Variants in MEGF8 observed in about 807,000 individuals in gnomAD.
MEGF8 encodes the protein multiple EGF like domains 8, also known as multiple epidermal growth factor-like domains protein 8.
MEGF8 carries 156 observed loss-of-function variants against 302.9 expected under a neutral mutation model. That is an observed-to-expected ratio of 0.52 (90% confidence interval 0.45 to 0.59). The LOEUF is 0.59. Among genes scored for constraint, MEGF8 ranks in the 20% least tolerant of loss-of-function variants. The pLI, the probability that MEGF8 is intolerant of heterozygous loss-of-function variation, is 0.00. For missense variants in MEGF8, 3,345 were observed against 3,964.5 expected (o/e 0.84, Z 4.20); for synonymous variants, 1,621 against 1,660.5 (o/e 0.98, Z 0.58).
At chr19:42,330,179 A>G (rs964334155) in intron 1 of MEGF8, among the ~76,000 whole-genome samples, 2 of 152,080 alleles carry the variant, frequency 1.3e-5, no homozygotes, top group African/African-American at 4.8e-5. Context: ...CTGGCCTCAA[A>G]TGATCTGCCC....
intron 5 of MEGF8, 103 bp downstream of exon 5, chr19:42,335,488 G>A (rs1443765384): frequency 1.9e-6 from 2 of 1,049,478 alleles, no homozygotes; most frequent in East Asian, 4.8e-5. Flanking sequence ...CACAGTTCCT[G>A]CAGCTTGATA....
intron 8 of MEGF8, among the ~76,000 whole-genome samples, chr19:42,341,633 T>G (rs1473713356): frequency 1.3e-5 from 2 of 152,030 alleles, no homozygotes; most frequent in Non-Finnish European, 2.9e-5. Flanking sequence ...TTTTTAGAGA[T>G]AGGGTCTTGC....
chr19:42,372,612 C>T (rs1261887631), intron 41 of MEGF8, among the ~76,000 whole-genome samples: 2 of 152,120 alleles, frequency 1.3e-5, no homozygotes, highest in East Asian at 3.9e-4. Context: ...CCTTACTGAC[C>T]CTTAACATTT....
Position 42,354,133 on chromosome 19 carries a change from T to C in MEGF8, c.4011+109T>C, listed in dbSNP as rs1293037026. 1.3e-5 allele frequency: 17 copies of C among 1,317,294 alleles called. No homozygotes were observed. The highest frequency in any genetic ancestry group is 1.7e-5 in the Non-Finnish European group (17 of 991,682). 81.6% of individuals were successfully genotyped at this position (1,317,294 alleles called of 1,614,324 possible). ...TAGTATTGCTGTTTTTTTTTTTTTG[T>C]TTTTTTAATCCTTCAAAACCCAAAC... On this transcript the variant is annotated intron_variant, in intron 22 of 41. Coordinates refer to ENST00000251268, the MANE Select transcript of MEGF8 (RefSeq NM_001271938.2). This position sits in a 1 kb window ranked among gnomAD's most constrained non-coding sequence, Gnocchi z 4.3.
At position 42,353,676 on chromosome 19, in the gene MEGF8, G is replaced by C; in HGVS notation, c.3761+1G>C. 1 of 1,576,864 alleles carries C rather than the reference G, an allele frequency of 6.3e-7. No individual in the cohort carries two copies. Among genetic ancestry groups the C allele is most frequent in the Non-Finnish European group, 8.6e-7 (1 of 1,156,964 alleles). Reference sequence around the variant, plus strand: ...CCCCAGGCTATTATGGGGATCCCCGGTGAGCCAACGGGCCAGCCAGGGCTG... The same window carrying C: ...CCCCAGGCTATTATGGGGATCCCCGCTGAGCCAACGGGCCAGCCAGGGCTG... On this transcript the variant is annotated splice_donor_variant, in intron 21 of 41. Transcript: ENST00000251268. LOFTEE classifies it high-confidence loss of function. The surrounding 1 kb of genome is among the most constrained non-coding windows in gnomAD (Gnocchi z 6.1).
intron 1 of MEGF8, among the ~76,000 whole-genome samples, chr19:42,326,731 T>C (rs994838624): frequency 6.9e-6 from 1 of 145,588 alleles, no homozygotes; most frequent in Non-Finnish European, 1.5e-5. Context: ...TTGGTTCTAC[T>C]ACTACTACTT....
chr19:42,361,831 C>T (rs571771749), intron 32 of MEGF8, among the ~76,000 whole-genome samples: 1 of 152,162 alleles, frequency 6.6e-6, no homozygotes, highest in Admixed American at 6.5e-5. Flanking sequence ...AGGGGACGGT[C>T]AGGGAGAAAT....
intron 35 of MEGF8, among the ~76,000 whole-genome samples, chr19:42,365,500 T>G (rs926628715): frequency 1.3e-5 from 2 of 151,184 alleles, no homozygotes; most frequent in African/African-American, 4.9e-5. Flanking sequence ...GTGGGGTGGC[T>G]CAGGCCTGTA....
chr19:42,359,466 A>G (rs1334675194), intron 31 of MEGF8, among the ~76,000 whole-genome samples: 1 of 151,668 alleles, frequency 6.6e-6, no homozygotes, highest in Non-Finnish European at 1.5e-5. Flanking sequence ...TTCACTATAT[A>G]TAATTTGTAA....
At position 42,353,862 on chromosome 19, in the gene MEGF8, G is replaced by C; in HGVS notation, c.3849G>C (p.Gly1283=). Residue 1283 remains glycine, a synonymous_variant, in exon 22 of 42, where the codon GGG becomes GGC. Transcript: ENST00000251268. This position sits in a 1 kb window ranked among gnomAD's most constrained non-coding sequence, Gnocchi z 6.1. ...TGGCACTGGGCTCACGCCGGGTCGG[G>C]GGGCTGCTGCCTCCAGGTGGCGGGG... The part of the protein sequence containing the change: ...SSVALGSRRV[G]GLLPPGGGAA... 2 of 1,603,398 alleles carry C rather than the reference G, an allele frequency of 1.2e-6. No homozygotes were observed. The highest frequency in any genetic ancestry group is 1.7e-6 in the Non-Finnish European group (2 of 1,175,278).
In MEGF8 at chr19:42,351,829, T is replaced by G; in HGVS notation, c.3101+68T>G. The G allele has an allele frequency of 7.6e-7, 1 of 1,316,042 alleles. No individual in the cohort carries two copies. The highest frequency in any genetic ancestry group is 2.0e-5 in the Admixed American group (1 of 50,322). The allele number at this position is 1,316,042 out of a possible 1,614,324, so 81.5% of individuals were successfully genotyped here. ...CTTCCTCCATGACCGGTCATTCTAATGGCCTCTTTGCTTCTCTGCCCTCTT... is the reference window on the plus strand; with the variant it reads ...CTTCCTCCATGACCGGTCATTCTAAGGGCCTCTTTGCTTCTCTGCCCTCTT... On this transcript the variant is annotated intron_variant, in intron 18 of 41. Coordinates refer to ENST00000251268, the MANE Select transcript of MEGF8 (RefSeq NM_001271938.2). This position sits in a 1 kb window ranked among gnomAD's most constrained non-coding sequence, Gnocchi z 5.6.
chr19:42,332,453 T>A (rs1406930830), intron 1 of MEGF8, among the ~76,000 whole-genome samples: 1 of 152,066 alleles, frequency 6.6e-6, no homozygotes, highest in Non-Finnish European at 1.5e-5. Context: ...CTGCAACCTC[T>A]GCCTCCCAGG....
chr19:42,372,074 AACACAC>A (rs1555784682), intron 41 of MEGF8, among the ~76,000 whole-genome samples: 1 of 79,228 alleles, frequency 1.3e-5, no homozygotes, highest in Non-Finnish European at 3.1e-5. Context: ...AACAACAACA[AACACAC>A]ACACACACAC....
rs1417034216 is a variant in MEGF8 at position 42,335,447 on chromosome 19, C to G, written c.828+62C>G. On this transcript the variant is annotated intron_variant, in intron 5 of 41. Transcript: ENST00000251268. The stretch of plus-strand genomic sequence containing the variant: ...ACTCAATCAGACCCAGCCGGGGACC[C>G]CCGGAATGATCCCCTATCACCTAGT... 2.0e-6 allele frequency: 3 copies of G among 1,498,758 alleles called. No homozygotes were observed. In the Admixed American group the frequency reaches 5.1e-5, roughly 26 times the overall value. 92.8% of individuals were successfully genotyped at this position (1,498,758 alleles called of 1,614,324 possible). A position where few individuals can be genotyped will look rare whatever the true frequency, so the allele number is the denominator to read the frequency against.
At chr19:42,335,825 A>G in intron 5 of MEGF8, 106 bp from the exon 6 acceptor site, 1 of 1,087,176 alleles carries the variant, frequency 9.2e-7, no homozygotes, top group Non-Finnish European at 1.3e-6. Context: ...CTCTGTCTTT[A>G]TCTCGCCTTC....
intron 5 of MEGF8, 124 bp downstream of exon 5, chr19:42,335,509 C>A: frequency 1.2e-6 from 1 of 814,714 alleles, no homozygotes; most frequent in Non-Finnish European, 2.0e-6. Flanking sequence ...TAGGAACCTA[C>A]TTCTCCCTGT....
At chr19:42,345,783 T>A (rs1347772692) in intron 12 of MEGF8, among the ~76,000 whole-genome samples, 1 of 152,272 alleles carries the variant, frequency 6.6e-6, no homozygotes, top group African/African-American at 2.4e-5. Flanking sequence ...TTTGAACATC[T>A]GTTTTCAATT....
At chr19:42,342,636 CAAA>C (rs796173686) in intron 8 of MEGF8, among the ~76,000 whole-genome samples, 2 of 115,836 alleles carry the variant, frequency 1.7e-5, no homozygotes, top group Non-Finnish European at 1.9e-5. Context: ...GACTCTGTCT[CAAA>C]AAAAAAAAAA....
intron 34 of MEGF8, 54 bp downstream of exon 34, chr19:42,362,651 G>A: frequency 1.3e-6 from 2 of 1,586,054 alleles, no homozygotes; most frequent in Non-Finnish European, 1.7e-6. Flanking sequence ...GGACTCCTGG[G>A]TCTGAGGGAG....
Sources: gnomAD v4.1 joint callset for allele counts (sites outside exome capture counted in the v4.1 genomes callset) on GRCh38, gnomAD v4.1.1 for gene constraint, Gnocchi (gnomAD v3.1) non-coding constraint, MANE v1.5 for transcripts, NCBI Gene and HGNC (gene_info 2026-07-23, HGNC 2026-07-21) for gene names.